Variants in TENM1 observed in about 807,000 individuals in gnomAD.
The protein encoded by TENM1 is teneurin transmembrane protein 1.
A neutral mutation model predicts 174.8 loss-of-function variants in TENM1; 35 were observed. That is an observed-to-expected ratio of 0.20 (90% CI 0.15 to 0.27). The LOEUF (loss-of-function observed/expected upper bound fraction) is 0.27, where lower values mean the gene tolerates loss of function less well. Among genes scored for constraint, TENM1 ranks in the 10% least tolerant of loss-of-function variants. The probability of loss-of-function intolerance (pLI) is 1.00; values close to 1 mark genes in which losing one functional copy is unlikely to be tolerated. For synonymous variants in TENM1, 781 were observed against 798.7 expected, an observed-to-expected ratio of 0.98 and a Z score of 0.37; for missense variants, 1,633 against 2,130.1, an observed-to-expected ratio of 0.77 and a Z score of 4.59.
At chrX:124,734,180 G>T (rs1040344461) in intron 4 of TENM1, among the ~76,000 whole-genome samples, 1 of 112,132 alleles carries the variant, frequency 8.9e-6, no homozygotes, top group Non-Finnish European at 1.9e-5. Context: ...GGCTGGGCAC[G>T]GTGGCTCACG....
intron 27 of TENM1, among the ~76,000 whole-genome samples, chrX:124,398,184 C>T (rs146316613): frequency 0.19 from 20,090 of 106,638 alleles, 1,759 homozygotes; most frequent in East Asian, 0.32. Context: ...GCCAAGATCG[C>T]GCCACTGCCC....
chrX:125,077,694 A>G, the TENM1 span, among the ~76,000 whole-genome samples: 3 of 111,466 alleles, frequency 2.7e-5, no homozygotes, highest in African/African-American at 9.8e-5. Context: ...AGGAAAAATT[A>G]GAAATGATCA....
At chrX:124,760,635 G>C (rs1024397261) in intron 3 of TENM1, among the ~76,000 whole-genome samples, 1 of 111,947 alleles carries the variant, frequency 8.9e-6, no homozygotes, top group African/African-American at 3.2e-5. Flanking sequence ...ATAGGCATGG[G>C]CAAGGACTTC....
At chrX:124,736,755 G>A (rs1448948272) in intron 4 of TENM1, among the ~76,000 whole-genome samples, 2 of 112,140 alleles carry the variant, frequency 1.8e-5, no homozygotes, top group East Asian at 5.6e-4. Flanking sequence ...GTCTGTGGCT[G>A]TGGCTGGATC....
intron 19 of TENM1, among the ~76,000 whole-genome samples, chrX:124,502,356 C>A (rs767278177): frequency 3.2e-4 from 36 of 112,375 alleles, no homozygotes; most frequent in African/African-American, 9.7e-4. Flanking sequence ...CTGTGTGAAG[C>A]AAATGGTAAG....
At chrX:124,692,450 A>G (rs1221805408) in intron 5 of TENM1, among the ~76,000 whole-genome samples, 1 of 110,844 alleles carries the variant, frequency 9.0e-6, no homozygotes, top group Non-Finnish European at 1.9e-5. Flanking sequence ...AAATATTATT[A>G]ATAATTACTA....
At chrX:124,728,818 T>C (rs2053500039) in intron 4 of TENM1, among the ~76,000 whole-genome samples, 1 of 112,012 alleles carries the variant, frequency 8.9e-6, no homozygotes, top group Admixed American at 9.5e-5. Context: ...CCTGGATCTG[T>C]CATATCCTAC....
intron 22 of TENM1, among the ~76,000 whole-genome samples, chrX:124,473,415 T>A (rs1306224565): frequency 9.0e-6 from 1 of 111,634 alleles, no homozygotes; most frequent in East Asian, 2.8e-4. Flanking sequence ...CTGAGGCAGA[T>A]AAGAAAAGTG....
the TENM1 span, among the ~76,000 whole-genome samples, chrX:124,994,720 C>A: frequency 0.05 from 5,559 of 110,311 alleles, 354 homozygotes; most frequent in African/African-American, 0.17. Context: ...CTTTCCACTT[C>A]TCTTCACTGC....
intron 27 of TENM1, among the ~76,000 whole-genome samples, chrX:124,399,313 G>C (rs766374017): frequency 1.8e-5 from 2 of 111,956 alleles, no homozygotes; most frequent in Non-Finnish European, 3.8e-5. Flanking sequence ...ACATGGTAAG[G>C]CTTCAAGGAA....
chrX:124,966,486 C>A (rs1374544919), upstream of TENM1, among the ~76,000 whole-genome samples: 1 of 109,498 alleles, frequency 9.1e-6, no homozygotes, highest in Non-Finnish European at 1.9e-5. Flanking sequence ...CACGGTGAAA[C>A]CCCATCTCTA....
Position 124,745,456 on chromosome X carries a change from G to A in TENM1, c.536-8259C>T, listed in dbSNP as rs776785699. Among the ~76,000 whole-genome samples the A allele has an allele frequency of 6.3e-5, 7 of 111,203 alleles. No homozygotes were observed. In the South Asian group the frequency reaches 1.9e-3, roughly 31 times the overall value. On this transcript the variant is annotated intron_variant, in intron 3 of 31. Coordinates refer to ENST00000422452, the Ensembl canonical transcript of TENM1. ...GGATCAAAACATGCCAATGTTTTGCGGTCACCTGTTGCTATAATAGAGGGC... is the reference window on the plus strand; with the variant it reads ...GGATCAAAACATGCCAATGTTTTGCAGTCACCTGTTGCTATAATAGAGGGC...
At chrX:124,949,746 G>A (rs2058454256) in intron 1 of TENM1, among the ~76,000 whole-genome samples, 1 of 111,768 alleles carries the variant, frequency 8.9e-6, no homozygotes, top group African/African-American at 3.3e-5. Flanking sequence ...ATGAGAGCTG[G>A]TGCAAATGTA....
chrX:124,450,602 G>A (rs2061024697), intron 23 of TENM1, among the ~76,000 whole-genome samples: 1 of 111,926 alleles, frequency 8.9e-6, no homozygotes, highest in Admixed American at 9.5e-5. Context: ...GTTTTAGGTG[G>A]TATGACAAAT....
At chrX:124,506,530 A>C (rs2047452062) in intron 18 of TENM1, among the ~76,000 whole-genome samples, 1 of 111,985 alleles carries the variant, frequency 8.9e-6, no homozygotes, top group Non-Finnish European at 1.9e-5. Context: ...TCTAATTTTT[A>C]TTAGATTTAC....
At chrX:124,487,661 A>G (rs992933) in intron 20 of TENM1, among the ~76,000 whole-genome samples, 32,990 of 110,235 alleles carry the variant, frequency 0.3, 3,997 homozygotes, top group African/African-American at 0.44. Flanking sequence ...AAATTTAGGA[A>G]CCATTGAACT....
rs1376737814 is a variant in TENM1, at chrX:124,893,846, C to T, written c.535+450G>A. Among the ~76,000 whole-genome samples, 3 of 111,176 alleles carry T rather than the reference C, an allele frequency of 2.7e-5. No homozygotes were observed. In the East Asian group the frequency reaches 8.5e-4, roughly 31 times the overall value. ...TTGATGACATGGATAAAGTGTGATG[C>T]TAAAGCCAAGCATGAACACCTGGAG... On this transcript the variant is annotated intron_variant, in intron 3 of 31. Coordinates refer to ENST00000422452, the Ensembl canonical transcript of TENM1.
chrX:124,690,410 G>A (rs193183166), intron 5 of TENM1, among the ~76,000 whole-genome samples: 4 of 111,100 alleles, frequency 3.6e-5, no homozygotes, highest in Non-Finnish European at 3.8e-5. Context: ...TTGCTTTTAA[G>A]TCCTTTCAGA....
intron 15 of TENM1, among the ~76,000 whole-genome samples, chrX:124,538,170 A>T (rs939779422): frequency 4.5e-5 from 5 of 112,179 alleles, no homozygotes; most frequent in African/African-American, 1.6e-4. Flanking sequence ...TGTTTTGAAC[A>T]TGTGTTTTCT....
Sources: allele counts gnomAD v4.1 joint callset (sites outside exome capture counted in the v4.1 genomes callset), GRCh38; gene constraint gnomAD v4.1.1; transcripts MANE v1.5; gene names NCBI Gene and HGNC (gene_info 2026-07-23, HGNC 2026-07-21).